Variants in IFIT5 observed in about 807,000 individuals in gnomAD.
IFIT5 encodes interferon induced protein with tetratricopeptide repeats 5.
A neutral mutation model predicts 5.0 loss-of-function variants in IFIT5; 2 were observed. The observed-to-expected ratio is 0.40, with a 90% CI of 0.16 to 1.26. The LOEUF (loss-of-function observed/expected upper bound fraction) is 1.26. Ranked by LOEUF, IFIT5 falls within the 50% of genes most tolerant of loss-of-function variation. The pLI is 0.33. For missense variants in IFIT5, 524 were observed against 563.2 expected, an observed-to-expected ratio of 0.93 and a Z score of 0.70; for synonymous variants, 206 against 204.6, an observed-to-expected ratio of 1.01 and a Z score of -0.06.
chr10:89,415,260 C>T (rs1841523437), intron 1 of IFIT5, among the ~76,000 whole-genome samples: 1 of 152,212 alleles, frequency 6.6e-6, no homozygotes, highest in Admixed American at 6.5e-5. Context: ...GGAAACTGGT[C>T]AGCGCCTGCA....
Position 89,414,735 on chromosome 10 carries a change from G to T in IFIT5, c.-64G>T. On this transcript the variant is annotated 5_prime_UTR_variant, in exon 1 of 2. Transcript: ENST00000371795. ...CACCGCGCGGCTTCCCGCGGTCCCC[G>T]GTGCTGAGGAGAGAGCGATCCGAGG... is the stretch of plus-strand genomic sequence containing the variant. 1.9e-6 allele frequency: 3 copies of T among 1,570,400 alleles called. No homozygotes were observed. In the Admixed American group the frequency reaches 5.6e-5, roughly 29 times the overall value.
chr10:89,416,009 G>T (rs2133651714), intron 1 of IFIT5, among the ~76,000 whole-genome samples: 1 of 152,244 alleles, frequency 6.6e-6, no homozygotes, highest in Admixed American at 6.5e-5. Context: ...TGCAACCTCC[G>T]CCTCCCGGGT....
At position 89,418,335 on chromosome 10, in the gene IFIT5, A is replaced by G. The variant is rs901836294; in HGVS notation, c.1136A>G (p.His379Arg). The G allele has an allele frequency of 1.9e-6, 3 of 1,614,106 alleles. No homozygotes were observed. The highest frequency in any genetic ancestry group is 2.7e-5 in the African/African-American group (2 of 74,934). Residue 379 changes from histidine (H) to arginine (R), a missense_variant, in exon 2 of 2, where the codon CAT becomes CGT. By Grantham distance (29) the His-to-Arg change is conservative. Coordinates refer to ENST00000371795, the MANE Select transcript of IFIT5 (RefSeq NM_012420.3). ...ACCGATGATCACAAACATCAGATCCATTACCACTATGGCCGCTTTCAGGAA... is the reference window on the plus strand; with the variant it reads ...ACCGATGATCACAAACATCAGATCCGTTACCACTATGGCCGCTTTCAGGAA... ...NITDDHKHQI[H>R]YHYGRFQEFH...
rs147725383 is a variant in IFIT5, at chr10:89,419,708, G to T, written c.*1060G>T. ...TTTTTTCATGTAGATACTCCAGGAA[G>T]AGTTAAGCACTGCTTTCAGTTTTAA... On this transcript the variant is annotated 3_prime_UTR_variant, in exon 2 of 2. Transcript: ENST00000371795. The T allele has an allele frequency of 6.6e-6, 1 of 152,090 alleles. No homozygotes were observed. Among genetic ancestry groups the T allele is most frequent in the Non-Finnish European group, 1.5e-5 (1 of 67,986 alleles). 9.4% of individuals were successfully genotyped at this position (152,090 alleles called of 1,614,324 possible).
At chr10:89,416,908 A>G (rs1275173714) in intron 1 of IFIT5, among the ~76,000 whole-genome samples, 3 of 152,246 alleles carry the variant, frequency 2.0e-5, no homozygotes, top group African/African-American at 7.2e-5. Context: ...GTATATATTC[A>G]TTCCTAATTT....
At chr10:89,416,047 C>T (rs915679319) in intron 1 of IFIT5, among the ~76,000 whole-genome samples, 1 of 152,186 alleles carries the variant, frequency 6.6e-6, no homozygotes, top group Non-Finnish European at 1.5e-5. Flanking sequence ...CTCAGCTTCC[C>T]GTGTAGCTGG....
intron 1 of IFIT5, among the ~76,000 whole-genome samples, chr10:89,415,954 G>A (rs1841532192): frequency 6.6e-6 from 1 of 152,124 alleles, no homozygotes; most frequent in South Asian, 2.1e-4. Flanking sequence ...ACGGAGTCTC[G>A]CCCTGTCACC....
intron 1 of IFIT5, 111 bp from the exon 2 acceptor site, chr10:89,417,094 G>C: frequency 2.3e-6 from 2 of 887,186 alleles, no homozygotes; most frequent in Non-Finnish European, 3.3e-6. Flanking sequence ...TGTTTTAACT[G>C]TAAGATCAAA....
chr10:89,417,474 G>A lies in IFIT5; in HGVS notation c.275G>A (p.Arg92Gln), dbSNP rs200757617. The A allele has an allele frequency of 1.2e-4, 189 of 1,614,072 alleles. No individual in the cohort carries two copies. The highest frequency in any genetic ancestry group is 1.5e-4 in the Non-Finnish European group (179 of 1,180,052). Reference sequence around the variant, plus strand: ...GAACACTCAGACAAAGAAGAAGTACGAAGCCTGGTCACTTGGGGAAACTAT... The same window carrying A: ...GAACACTCAGACAAAGAAGAAGTACAAAGCCTGGTCACTTGGGGAAACTAT... Reference protein sequence around the residue: ...QQEHSDKEEVRSLVTWGNYAW... With the variant: ...QQEHSDKEEVQSLVTWGNYAW... Residue 92 changes from arginine (R) to glutamine (Q), a missense_variant, in exon 2 of 2, where the codon CGA becomes CAA. Transcript: ENST00000371795.
chr10:89,418,815 T>A lies in IFIT5; in HGVS notation c.*167T>A, dbSNP rs1455622469. 1 of 575,360 alleles carries A rather than the reference T, an allele frequency of 1.7e-6. No homozygotes were observed. The highest frequency in any genetic ancestry group is 2.8e-6 in the Non-Finnish European group (1 of 358,792). 35.6% of individuals were successfully genotyped at this position (575,360 alleles called of 1,614,324 possible). ...AATACTTTATATGCATTATGATGAA[T>A]CTTGTGCGGTTTTCTTTCTTTTTTT... On this transcript the variant is annotated 3_prime_UTR_variant, in exon 2 of 2. Coordinates refer to ENST00000371795, the MANE Select transcript of IFIT5 (RefSeq NM_012420.3).
chr10:89,415,917 AC>A (rs1017334644), intron 1 of IFIT5, among the ~76,000 whole-genome samples: 3 of 152,342 alleles, frequency 2.0e-5, no homozygotes, highest in African/African-American at 7.2e-5. Context: ...TTTAAGTGCC[AC>A]CCACACATCT....
At chr10:89,417,123 T>C in intron 1 of IFIT5, 82 bp from the exon 2 acceptor site, 1 of 1,182,260 alleles carries the variant, frequency 8.5e-7, no homozygotes, top group Non-Finnish European at 1.2e-6. Context: ...AAATTAGTTG[T>C]TATGCAAAGA....
intron 1 of IFIT5, among the ~76,000 whole-genome samples, chr10:89,416,974 G>A (rs1456231492): frequency 6.6e-6 from 1 of 152,130 alleles, no homozygotes; most frequent in African/African-American, 2.4e-5. Flanking sequence ...AGAAAGCTCT[G>A]TCATCTCTCC....
chr10:89,416,029 T>A (rs1330509740), intron 1 of IFIT5, among the ~76,000 whole-genome samples: 1 of 152,192 alleles, frequency 6.6e-6, no homozygotes, highest in Non-Finnish European at 1.5e-5. Context: ...TTCAAGCCAT[T>A]CCCCTGCCTC....
chr10:89,418,304 A>G lies in IFIT5; in HGVS notation c.1105A>G (p.Asn369Asp), dbSNP rs1347765559. 2 of 1,614,200 alleles carry G rather than the reference A, an allele frequency of 1.2e-6. No homozygotes were observed. The highest frequency in any genetic ancestry group is 1.7e-6 in the Non-Finnish European group (2 of 1,180,024). Residue 369 changes from asparagine to aspartate, a missense_variant, in exon 2 of 2, where the codon AAC (asparagine) becomes GAC (aspartate). Asn to Asp is a conservative substitution (Grantham distance 23, BLOSUM62 1). Transcript: ENST00000371795. ...DIFRKALRLENITDDHKHQIH... is the reference protein window; with the variant it reads ...DIFRKALRLEDITDDHKHQIH... ...TTTCCGGAAAGCTCTTCGTCTGGAG[A>G]ACATAACCGATGATCACAAACATCA...
At position 89,418,165 on chromosome 10, in the gene IFIT5, T is replaced by C; in HGVS notation, c.966T>C (p.Ser322=). The C allele has an allele frequency of 6.2e-7, 1 of 1,614,200 alleles. No individual in the cohort carries two copies. Among genetic ancestry groups the C allele is most frequent in the Non-Finnish European group, 8.5e-7 (1 of 1,180,004 alleles). ...DKLKVDELIS[S]AIFHFKAAME... Reference sequence around the variant, plus strand: ...TAAAGGTTGATGAGCTGATTTCATCTGCTATATTTCATTTCAAAGCAGCCA... The same window carrying C: ...TAAAGGTTGATGAGCTGATTTCATCCGCTATATTTCATTTCAAAGCAGCCA... Residue 322 remains serine, a synonymous_variant, in exon 2 of 2, where the codon TCT becomes TCC. Coordinates refer to ENST00000371795, the MANE Select transcript of IFIT5 (RefSeq NM_012420.3).
chr10:89,414,757 G>T lies in IFIT5; in HGVS notation c.-42G>T. 1 of 1,603,616 alleles carries T rather than the reference G, an allele frequency of 6.2e-7. No individual in the cohort carries two copies. ...CCCGGTGCTGAGGAGAGAGCGATCC[G>T]AGGGACTGCGCCGCCCGGACGGCCT... On this transcript the variant is annotated 5_prime_UTR_variant, in exon 1 of 2. Coordinates refer to ENST00000371795, the MANE Select transcript of IFIT5 (RefSeq NM_012420.3).
In IFIT5 at chr10:89,419,826, C is replaced by A. The variant is rs1176878337; in HGVS notation, c.*1178C>A. The A allele has an allele frequency of 6.6e-6, 1 of 151,974 alleles. No individual in the cohort carries two copies. 9.4% of individuals were successfully genotyped at this position (151,974 alleles called of 1,614,324 possible). On this transcript the variant is annotated 3_prime_UTR_variant, in exon 2 of 2. Coordinates refer to ENST00000371795, the MANE Select transcript of IFIT5 (RefSeq NM_012420.3). ...TAATGTGGCTTCTCTAATGTAGTTTCTTTGATTACCGACTACACAATTATG... is the reference window on the plus strand; with the variant it reads ...TAATGTGGCTTCTCTAATGTAGTTTATTTGATTACCGACTACACAATTATG...
Position 89,417,346 on chromosome 10 carries a change from T to A in IFIT5, c.147T>A (p.Ser49=). 3.1e-6 allele frequency: 5 copies of A among 1,614,196 alleles called. No individual in the cohort carries two copies. Among genetic ancestry groups the A allele is most frequent in the Non-Finnish European group, 4.2e-6 (5 of 1,180,026 alleles). Reference sequence around the variant, plus strand: ...AGCTTGAATTTCTTACCACAAAATCTAGACTTGCTCTTTATAACCTATTGG... The same window carrying A: ...AGCTTGAATTTCTTACCACAAAATCAAGACTTGCTCTTTATAACCTATTGG... ...GQQLEFLTTK[S]RLALYNLLAY... is the part of the protein sequence containing the mutation. Residue 49 remains serine, a synonymous_variant, in exon 2 of 2, where the codon TCT becomes TCA. Coordinates refer to ENST00000371795, the MANE Select transcript of IFIT5 (RefSeq NM_012420.3).
Sources: allele counts gnomAD v4.1 joint callset (sites outside exome capture counted in the v4.1 genomes callset), GRCh38; gene constraint gnomAD v4.1.1; transcripts MANE v1.5; gene names NCBI Gene and HGNC (gene_info 2026-07-23, HGNC 2026-07-21).